RXFP1: variants seen among roughly 807,000 people sequenced by gnomAD.
RXFP1 encodes relaxin family peptide receptor 1, also known as relaxin receptor 1.
In RXFP1, 73 loss-of-function variants were observed where a neutral mutation model predicts 89.8. The observed-to-expected ratio is 0.81, with a 90% CI of 0.67 to 0.99. The LOEUF (loss-of-function observed/expected upper bound fraction) is 0.99, where lower values mean the gene tolerates loss of function less well. Ranked by LOEUF, RXFP1 falls within the 50% of genes least tolerant of loss-of-function variation. The probability of loss-of-function intolerance (pLI) is 0.00; values close to 1 mark genes in which losing one functional copy is unlikely to be tolerated. For missense variants in RXFP1, 793 were observed against 895.5 expected (o/e 0.89, Z 1.46); for synonymous variants, 277 against 305.5 (o/e 0.91, Z 0.97).
intron 9 of RXFP1, among the ~76,000 whole-genome samples, chr4:158,624,266 C>T (rs1406569681): frequency 6.6e-6 from 1 of 152,148 alleles, no homozygotes; most frequent in Non-Finnish European, 1.5e-5. Flanking sequence ...TTACAGATGT[C>T]AGGCAGCAAG....
At chr4:158,580,680 C>G (rs1479750351) in intron 2 of RXFP1, among the ~76,000 whole-genome samples, 1 of 152,224 alleles carries the variant, frequency 6.6e-6, no homozygotes, top group African/African-American at 2.4e-5. Context: ...CTTCCCTCCC[C>G]ACTGCGGCGG....
chr4:158,612,447 T>TAA, intron 8 of RXFP1, 85 bp downstream of exon 8: 5 of 1,019,324 alleles, frequency 4.9e-6, no homozygotes, highest in Non-Finnish European at 7.2e-6. Flanking sequence ...CCATTAAATT[T>TAA]GGATTTGTTA....
intron 1 of RXFP1, among the ~76,000 whole-genome samples, chr4:158,566,764 G>A (rs988528714): frequency 7.2e-5 from 11 of 152,250 alleles, no homozygotes; most frequent in African/African-American, 1.9e-4. Context: ...TCATGATACC[G>A]AGAGGTGACA....
chr4:158,627,749 A>C (rs891402712), intron 10 of RXFP1, among the ~76,000 whole-genome samples: 5 of 152,172 alleles, frequency 3.3e-5, no homozygotes, highest in Non-Finnish European at 7.3e-5. Flanking sequence ...TGAGTTCAGC[A>C]ATCTTCAGGT....
At chr4:158,614,418 C>A (rs1236557381) in intron 8 of RXFP1, among the ~76,000 whole-genome samples, 1 of 152,234 alleles carries the variant, frequency 6.6e-6, no homozygotes, top group Non-Finnish European at 1.5e-5. Context: ...GAACCACCTT[C>A]ATGAATGATC....
intron 10 of RXFP1, 36 bp downstream of exon 10, chr4:158,626,927 C>G (rs1330612099): frequency 9.0e-7 from 1 of 1,108,790 alleles, no homozygotes; most frequent in East Asian, 2.7e-5. Flanking sequence ...GTAATATTAT[C>G]TTTTCTTACA....
At chr4:158,594,094 G>A (rs568722595) in intron 3 of RXFP1, among the ~76,000 whole-genome samples, 24 of 152,292 alleles carry the variant, frequency 1.6e-4, no homozygotes, top group African/African-American at 5.8e-4. Flanking sequence ...TTATGCAAAT[G>A]TAAATCTGTA....
At chr4:158,523,395 A>G (rs1020600382) in intron 1 of RXFP1, among the ~76,000 whole-genome samples, 1 of 152,192 alleles carries the variant, frequency 6.6e-6, no homozygotes, top group African/African-American at 2.4e-5. Flanking sequence ...GTTGGGAAGC[A>G]ACTTTGGCCA....
chr4:158,617,090 G>C lies in RXFP1; in HGVS notation c.681-41G>C, dbSNP rs745775309. On this transcript the variant is annotated intron_variant, in intron 8 of 17. Transcript: ENST00000307765. ...CCATGTTTGACCCAAGATGAGAAGA[G>C]AACCAGAAAAATGTGACTTGTTTGT... The C allele has an allele frequency of 1.4e-5, 20 of 1,398,008 alleles. 1 individual carries two copies. In the South Asian group the frequency reaches 2.3e-4, roughly 16 times the overall value. 86.6% of individuals were successfully genotyped at this position (1,398,008 alleles called of 1,614,324 possible).
In RXFP1 at chr4:158,559,107, G is replaced by T. The variant is rs71607197; in HGVS notation, c.50-13591G>T. Among the ~76,000 whole-genome samples the T allele has an allele frequency of 1.4e-3, 213 of 152,272 alleles. 1 individual carries two copies. Among genetic ancestry groups the T allele is most frequent in the Non-Finnish European group, 2.2e-3 (150 of 68,024 alleles). Reference sequence around the variant, plus strand: ...TTACATATTTAACAAAGTTATATGTGCCTTTACTATCATATTTTTAGTTTG... The same window carrying T: ...TTACATATTTAACAAAGTTATATGTTCCTTTACTATCATATTTTTAGTTTG... On this transcript the variant is annotated intron_variant, in intron 1 of 17. Coordinates refer to ENST00000307765, the MANE Select transcript of RXFP1 (RefSeq NM_021634.4).
chr4:158,652,135 A>G lies in RXFP1; in HGVS notation c.*80A>G. The G allele has an allele frequency of 8.6e-7, 1 of 1,160,798 alleles. No individual in the cohort carries two copies. Among genetic ancestry groups the G allele is most frequent in the Non-Finnish European group, 1.2e-6 (1 of 833,474 alleles). The allele number at this position is 1,160,798 out of a possible 1,614,324, so 71.9% of individuals were successfully genotyped here. ...GATTTACTGGTATGAAATGAATACC[A>G]CAAAATTAATTTATAATAATAGCTA... is the stretch of plus-strand genomic sequence containing the variant. On this transcript the variant is annotated 3_prime_UTR_variant, in exon 18 of 18. Coordinates refer to ENST00000307765, the MANE Select transcript of RXFP1 (RefSeq NM_021634.4).
At chr4:158,538,832 C>T (rs1285847409) in intron 1 of RXFP1, among the ~76,000 whole-genome samples, 1 of 148,782 alleles carries the variant, frequency 6.7e-6, no homozygotes, top group Non-Finnish European at 1.5e-5. Context: ...AGAATAGGTA[C>T]AAAAATGGTC....
At chr4:158,542,808 CT>C (rs1747146306) in intron 1 of RXFP1, among the ~76,000 whole-genome samples, 1 of 152,082 alleles carries the variant, frequency 6.6e-6, no homozygotes, top group Non-Finnish European at 1.5e-5. Context: ...TCATCAGTTC[CT>C]TCTGTATCAG....
At position 158,572,971 on chromosome 4, in the gene RXFP1, C is replaced by A. The variant is rs1408045424; in HGVS notation, c.187+136C>A. The A allele has an allele frequency of 3.2e-6, 4 of 1,269,240 alleles. No homozygotes were observed. In the African/African-American group the frequency reaches 4.5e-5, roughly 14 times the overall value. The allele number at this position is 1,269,240 out of a possible 1,614,324, so 78.6% of individuals were successfully genotyped here. A position where few individuals can be genotyped will look rare whatever the true frequency, so the allele number is the denominator to read the frequency against. ...ATATGTTGCTTAAGGAAATCTTACA[C>A]TTATTTCAGTAGCTTAAAATATCCA... On this transcript the variant is annotated intron_variant, in intron 2 of 17. Coordinates refer to ENST00000307765, the MANE Select transcript of RXFP1 (RefSeq NM_021634.4).
At chr4:158,585,058 CA>C (rs1305882525) in intron 2 of RXFP1, among the ~76,000 whole-genome samples, 1 of 152,164 alleles carries the variant, frequency 6.6e-6, no homozygotes, top group African/African-American at 2.4e-5. Flanking sequence ...TTCAAGTTCC[CA>C]GGTGATGCTG....
chr4:158,641,995 A>G (rs4132807), intron 14 of RXFP1, among the ~76,000 whole-genome samples: 22,054 of 152,214 alleles, frequency 0.14, 1,866 homozygotes, highest in Admixed American at 0.22. Context: ...TCTGTTGATG[A>G]AAGAAGTCAC....
In RXFP1 at chr4:158,599,361, G is replaced by A; in HGVS notation, c.322G>A (p.Gly108Ser). The A allele has an allele frequency of 6.2e-7, 1 of 1,613,906 alleles. No homozygotes were observed. The highest frequency in any genetic ancestry group is 1.1e-5 in the South Asian group (1 of 91,060). ...TGTGCCAGTGCAATGTCTTTGCCAA[G>A]GTCTGGAGCTTGACTGTGATGAAAC... ...GSVPVQCLCQ[G>S]LELDCDETNL... The change falls in exon 4 of 18, where the codon GGT (glycine) becomes AGT (serine). Residue 108 changes from glycine to serine, a missense_variant. Physicochemically the swap from Gly to Ser is moderately conservative, Grantham distance 56 (BLOSUM62 0). Transcript: ENST00000307765.
rs200427299 is a variant in RXFP1, at chr4:158,633,440, C to T, written c.935C>T (p.Pro312Leu). 1.5e-4 allele frequency: 245 copies of T among 1,602,896 alleles called. No homozygotes were observed. Among genetic ancestry groups the T allele is most frequent in the Non-Finnish European group, 1.9e-4 (222 of 1,172,134 alleles). ...LGSNKIENLP[P>L]LIFKDLKELS... is the part of the protein sequence containing the mutation. ...AGTAATAAGATTGAAAATCTTCCAC[C>T]GCTTATATTCAAGGACCTGAAGGAG... The change falls in exon 12 of 18, where the codon CCG becomes CTG. Residue 312 changes from proline (P) to leucine (L), a missense_variant. Physicochemically the swap from Pro to Leu is moderately conservative, Grantham distance 98 (BLOSUM62 -3). Transcript: ENST00000307765.
At chr4:158,548,975 T>G (rs1749311080) in intron 1 of RXFP1, among the ~76,000 whole-genome samples, 2 of 151,742 alleles carry the variant, frequency 1.3e-5, no homozygotes, top group South Asian at 4.2e-4. Flanking sequence ...TTCTCTGTAT[T>G]TCCTGAATCT....
Sources: allele counts gnomAD v4.1 joint callset (sites outside exome capture counted in the v4.1 genomes callset), GRCh38; gene constraint gnomAD v4.1.1; transcripts MANE v1.5; gene names NCBI Gene and HGNC (gene_info 2026-07-23, HGNC 2026-07-21).